Variants in SVIL observed in about 807,000 individuals in gnomAD.
SVIL encodes supervillin.
A neutral mutation model predicts 240.4 loss-of-function variants in SVIL; 101 were observed. The ratio of observed to expected loss-of-function variants is 0.42; its 90% CI spans 0.36 to 0.50. SVIL has a LOEUF of 0.50. Ranked by LOEUF, SVIL falls within the 20% of genes least tolerant of loss-of-function variation. The pLI is 0.01. For synonymous variants in SVIL, 999 were observed against 1,100.0 expected, an observed-to-expected ratio of 0.91 and a Z score of 1.82; for missense variants, 2,512 against 2,818.7, an observed-to-expected ratio of 0.89 and a Z score of 2.46.
In SVIL at chr10:29,533,460, T is replaced by C. The variant is rs775765266; in HGVS notation, c.909-2A>G. The stretch of plus-strand genomic sequence containing the variant: ...ACCAATTTTTCTCTAACTTTAACTC[T>C]TTAAGAAAGAAAAAGGATTTAAGTT... On this transcript the variant is annotated splice_acceptor_variant, in intron 7 of 37. Transcript: ENST00000355867. LOFTEE classifies it high-confidence loss of function. 1 of 1,608,376 alleles carries C rather than the reference T, an allele frequency of 6.2e-7. No individual in the cohort carries two copies. The highest frequency in any genetic ancestry group is 8.5e-7 in the Non-Finnish European group (1 of 1,176,376).
Position 29,477,400 on chromosome 10 carries a change from C to T in SVIL, c.5377+3137G>A, listed in dbSNP as rs567368028. On this transcript the variant is annotated intron_variant, in intron 29 of 37. Coordinates refer to ENST00000355867, the MANE Select transcript of SVIL (RefSeq NM_021738.3). Reference sequence around the variant, plus strand: ...TCAGATCCCTGGGCACCTTGAGCAGCTGTCGCGACCCTGCTGGGGAGTGAG... The same window carrying T: ...TCAGATCCCTGGGCACCTTGAGCAGTTGTCGCGACCCTGCTGGGGAGTGAG... Among the ~76,000 whole-genome samples, 54 of 152,344 alleles carry T rather than the reference C, an allele frequency of 3.5e-4. 1 individual carries two copies. The Middle Eastern group carries it at 0.014, about 38-fold the overall frequency.
In SVIL at chr10:29,727,310, C is replaced by T. The variant is rs1481366372; in HGVS notation, c.-400+8441G>A. ...GTGCTCCAGTCTGTACTAACATTAG[C>T]TGGAGTATAGTGGTGTGATCATAGC... On this transcript the variant is annotated intron_variant, in intron 1 of 35. Transcript: ENST00000375400. Among the ~76,000 whole-genome samples the T allele has an allele frequency of 6.6e-5, 10 of 152,140 alleles. No homozygotes were observed. In the East Asian group the frequency reaches 1.2e-3, roughly 18 times the overall value.
At chr10:29,571,924 C>T (rs1055311947) in intron 1 of SVIL, among the ~76,000 whole-genome samples, 12 of 152,160 alleles carry the variant, frequency 7.9e-5, no homozygotes, top group African/African-American at 2.9e-4. Flanking sequence ...ATTCACCACA[C>T]CCCACCTAGG....
At chr10:29,591,653 A>C (rs986996509) in intron 1 of SVIL, among the ~76,000 whole-genome samples, 10 of 152,204 alleles carry the variant, frequency 6.6e-5, no homozygotes, top group Admixed American at 2.6e-4. Context: ...CACCTTTTTA[A>C]AAAACTGACA....
chr10:29,670,254 C>A (rs891459220), intron 2 of SVIL, among the ~76,000 whole-genome samples: 1 of 152,216 alleles, frequency 6.6e-6, no homozygotes, highest in African/African-American at 2.4e-5. Context: ...TCTCCACCAA[C>A]TAGGCCACTG....
At chr10:29,460,911 C>A (rs1054217016) in intron 36 of SVIL, among the ~76,000 whole-genome samples, 11 of 151,984 alleles carry the variant, frequency 7.2e-5, no homozygotes, top group African/African-American at 2.7e-4. Context: ...TCTCAAAAAA[C>A]AAAAACAAAA....
At chr10:29,612,116 C>T (rs1217831217) in intron 1 of SVIL, among the ~76,000 whole-genome samples, 2 of 152,136 alleles carry the variant, frequency 1.3e-5, no homozygotes, top group Admixed American at 1.3e-4. Context: ...ATCCTCAGCC[C>T]TTTTTCCCAT....
At chr10:29,612,190 A>T (rs1426153226) in intron 1 of SVIL, among the ~76,000 whole-genome samples, 1 of 152,190 alleles carries the variant, frequency 6.6e-6, no homozygotes, top group Non-Finnish European at 1.5e-5. Context: ...TGGTGAGGTC[A>T]TTCGAGCAAG....
intron 1 of SVIL, among the ~76,000 whole-genome samples, chr10:29,693,380 T>C (rs1213033992): frequency 6.6e-6 from 1 of 152,008 alleles, no homozygotes; most frequent in Admixed American, 6.6e-5. Context: ...ATCTAGAAGG[T>C]TTCTCCCTCC....
intron 34 of SVIL, 133 bp downstream of exon 34, chr10:29,465,462 G>T: frequency 1.8e-6 from 2 of 1,119,216 alleles, no homozygotes; most frequent in Non-Finnish European, 2.5e-6. Context: ...AAGAGTGTAA[G>T]CACATGTTCT....
chr10:29,718,773 G>A (rs951946043), intron 1 of SVIL, among the ~76,000 whole-genome samples: 2 of 152,176 alleles, frequency 1.3e-5, no homozygotes, highest in African/African-American at 2.4e-5. Flanking sequence ...AGATAACAGT[G>A]TCTGGTACTG....
intron 1 of SVIL, among the ~76,000 whole-genome samples, chr10:29,632,007 C>A (rs560426478): frequency 1.3e-5 from 2 of 152,170 alleles, no homozygotes; most frequent in East Asian, 1.9e-4. Flanking sequence ...TCCTAAAATC[C>A]CAGGCAGCTG....
chr10:29,690,878 T>G lies in SVIL; in HGVS notation c.-399-4227A>C, dbSNP rs551019896. Among the ~76,000 whole-genome samples the G allele has an allele frequency of 2.6e-5, 4 of 152,342 alleles. No individual in the cohort carries two copies. The South Asian group carries it at 8.3e-4, about 32-fold the overall frequency. On this transcript the variant is annotated intron_variant, in intron 1 of 35. Coordinates refer to the SVIL transcript ENST00000375400. ...TCTGTATAATTCATGGTCTGAACTT[T>G]ACCTGAGAACAATCAAGTTGGCTGA...
chr10:29,502,548 A>C (rs1372059694), intron 17 of SVIL, among the ~76,000 whole-genome samples: 2 of 152,202 alleles, frequency 1.3e-5, no homozygotes, highest in African/African-American at 4.8e-5. Flanking sequence ...TTGAGGAAGA[A>C]TCTAAACAGA....
intron 5 of SVIL, among the ~76,000 whole-genome samples, chr10:29,553,329 A>G (rs1213474608): frequency 6.6e-6 from 1 of 152,144 alleles, no homozygotes; most frequent in Admixed American, 6.6e-5. Flanking sequence ...TTGTAATCAC[A>G]GCACTTTGGG....
intron 1 of SVIL, among the ~76,000 whole-genome samples, chr10:29,687,562 G>A (rs1961173407): frequency 6.6e-6 from 1 of 152,208 alleles, no homozygotes; most frequent in African/African-American, 2.4e-5. Flanking sequence ...CCGTGGTAGT[G>A]CACACTTGTG....
At chr10:29,574,212 G>T (rs1955582232) in intron 1 of SVIL, among the ~76,000 whole-genome samples, 1 of 152,222 alleles carries the variant, frequency 6.6e-6, no homozygotes, top group Non-Finnish European at 1.5e-5. Flanking sequence ...TCTTTAAAGA[G>T]AAGTAAAAGC....
intron 1 of SVIL, among the ~76,000 whole-genome samples, chr10:29,729,076 A>G (rs889034056): frequency 6.6e-6 from 1 of 152,172 alleles, no homozygotes; most frequent in African/African-American, 2.4e-5. Context: ...CTATGGCTGC[A>G]TAAGGAATAC....
At chr10:29,583,635 C>A (rs2132771146) in intron 1 of SVIL, among the ~76,000 whole-genome samples, 1 of 152,282 alleles carries the variant, frequency 6.6e-6, no homozygotes, top group Non-Finnish European at 1.5e-5. Flanking sequence ...CAAGACCTAC[C>A]AGTCTTTCAG....
Sources: allele counts gnomAD v4.1 joint callset (sites outside exome capture counted in the v4.1 genomes callset), GRCh38; gene constraint gnomAD v4.1.1; transcripts MANE v1.5; gene names NCBI Gene and HGNC (gene_info 2026-07-23, HGNC 2026-07-21).